The following DCT variants were observed in gnomAD, a reference collection of about 807,000 sequenced individuals.
DCT encodes dopachrome tautomerase, also known as L-dopachrome tautomerase.
A neutral mutation model predicts 53.0 loss-of-function variants in DCT; 47 were observed. The observed-to-expected ratio is 0.89, with a 90% CI of 0.70 to 1.13. The LOEUF (loss-of-function observed/expected upper bound fraction) is 1.13, where lower values mean the gene tolerates loss of function less well. DCT is among the 50% of genes most tolerant of loss of function. The probability of loss-of-function intolerance (pLI) is 0.00; values close to 1 mark genes in which losing one functional copy is unlikely to be tolerated. For missense variants in DCT, 669 were observed against 637.4 expected, an observed-to-expected ratio of 1.05 and a Z score of -0.53; for synonymous variants, 244 against 237.0, an observed-to-expected ratio of 1.03 and a Z score of -0.27.
At chr13:94,459,948 G>A in intron 6 of DCT, 143 bp downstream of exon 6, 1 of 915,076 alleles carries the variant, frequency 1.1e-6, no homozygotes, top group Non-Finnish European at 1.7e-6. Context: ...CATCCCTATG[G>A]TATAGATTGA....
the DCT span, among the ~76,000 whole-genome samples, chr13:94,515,726 C>T: frequency 6.6e-6 from 1 of 152,150 alleles, no homozygotes; most frequent in Non-Finnish European, 1.5e-5. Flanking sequence ...CTTACAGTAG[C>T]AATGCAGGTC....
chr13:94,443,362 T>C, intron 7 of DCT, 74 bp downstream of exon 7: 2 of 1,241,338 alleles, frequency 1.6e-6, no homozygotes, highest in Non-Finnish European at 1.2e-6. Flanking sequence ...GTTTACATTA[T>C]AAAGAAAGAA....
intron 4 of DCT, 141 bp from the exon 5 acceptor site, chr13:94,462,330 G>A (rs1883869238): frequency 1.5e-6 from 1 of 648,224 alleles, no homozygotes; most frequent in Non-Finnish European, 2.7e-6. Flanking sequence ...CAAAGCCCCG[G>A]CTCTACTAAA....
the DCT span, among the ~76,000 whole-genome samples, chr13:94,508,416 C>T: frequency 6.6e-6 from 1 of 152,122 alleles, no homozygotes; most frequent in Non-Finnish European, 1.5e-5. Context: ...GATCAATTCC[C>T]TTCTATTTAT....
chr13:94,536,189 GTT>G, the DCT span, among the ~76,000 whole-genome samples: 3 of 152,220 alleles, frequency 2.0e-5, no homozygotes, highest in East Asian at 5.8e-4. Context: ...GGTCGATACA[GTT>G]TAGGACCAGG....
At position 94,479,211 on chromosome 13, in the gene DCT, G is replaced by T. The variant is rs747562362; in HGVS notation, c.45C>A (p.Cys15Ter). ...WWGFLLSCLG[C>*]KILPGAQGQF... Reference sequence around the variant, plus strand: ...GACCCTGGGCTCCTGGCAGGATTTTGCAGCCCAAGCAACTGAGCAGAAACC... The same window carrying T: ...GACCCTGGGCTCCTGGCAGGATTTTTCAGCCCAAGCAACTGAGCAGAAACC... Residue 15 changes from cysteine (C) to a stop codon, truncating the protein, a stop_gained, in exon 1 of 8, where the codon TGC (cysteine) becomes TGA (stop). Transcript: ENST00000377028. LOFTEE classifies it high-confidence loss of function. 6.2e-7 allele frequency: 1 copy of T among 1,606,508 alleles called. No homozygotes were observed. Among genetic ancestry groups the T allele is most frequent in the Middle Eastern group, 1.7e-4 (1 of 6,040 alleles).
At chr13:94,473,920 C>T (rs1373286940) in intron 1 of DCT, among the ~76,000 whole-genome samples, 3 of 152,126 alleles carry the variant, frequency 2.0e-5, no homozygotes, top group Non-Finnish European at 4.4e-5. Flanking sequence ...AGTTTATAGA[C>T]CTGACCTGAA....
intron 1 of DCT, among the ~76,000 whole-genome samples, chr13:94,474,422 A>C (rs1169154344): frequency 6.6e-6 from 1 of 152,230 alleles, no homozygotes; most frequent in African/African-American, 2.4e-5. Flanking sequence ...TATTATTTTA[A>C]TAACAATACT....
the DCT span, among the ~76,000 whole-genome samples, chr13:94,543,326 A>G: frequency 6.6e-6 from 1 of 152,166 alleles, no homozygotes; most frequent in Non-Finnish European, 1.5e-5. Flanking sequence ...TTCCTGAACC[A>G]TCAGCAGCAG....
At chr13:94,542,542 C>T in the DCT span, among the ~76,000 whole-genome samples, 43 of 152,300 alleles carry the variant, frequency 2.8e-4, no homozygotes, top group South Asian at 7.3e-3. Flanking sequence ...CACAAGGCCA[C>T]TGAGGATGGA....
chr13:94,474,542 G>A (rs1179595384), intron 1 of DCT, among the ~76,000 whole-genome samples: 2 of 152,162 alleles, frequency 1.3e-5, no homozygotes, highest in African/African-American at 4.8e-5. Context: ...TTAGTCACTT[G>A]TACAAACAAG....
intron 6 of DCT, among the ~76,000 whole-genome samples, chr13:94,449,488 T>C (rs1351024358): frequency 1.3e-5 from 2 of 152,242 alleles, no homozygotes; most frequent in Admixed American, 1.3e-4. Flanking sequence ...GCATCCTTTG[T>C]CATCAGACTG....
At chr13:94,466,512 AAT>A in intron 3 of DCT, 44 bp downstream of exon 3, 2 of 1,289,698 alleles carry the variant, frequency 1.6e-6, no homozygotes, top group South Asian at 2.8e-5. Context: ...ATATACAATA[AAT>A]TTTTTAAAAA....
chr13:94,475,884 A>G (rs1260793262), intron 1 of DCT, among the ~76,000 whole-genome samples: 3 of 152,214 alleles, frequency 2.0e-5, no homozygotes, highest in African/African-American at 7.2e-5. Flanking sequence ...TAGTAAATTG[A>G]ACTTATAGAT....
the DCT span, among the ~76,000 whole-genome samples, chr13:94,539,827 G>C: frequency 6.6e-6 from 1 of 152,078 alleles, no homozygotes; most frequent in African/African-American, 2.4e-5. Flanking sequence ...AGGGAGAAAG[G>C]AAAAGTATGG....
chr13:94,523,415 A>G, the DCT span, among the ~76,000 whole-genome samples: 2 of 152,174 alleles, frequency 1.3e-5, no homozygotes, highest in East Asian at 1.9e-4. Context: ...CCCCTCACCT[A>G]TGGTATCTAA....
At chr13:94,478,903 G>C in intron 1 of DCT, 58 bp downstream of exon 1, 1 of 1,491,748 alleles carries the variant, frequency 6.7e-7, no homozygotes, top group South Asian at 1.3e-5. Context: ...CTCTTCCTTA[G>C]AAGGAGCTCT....
At chr13:94,496,648 T>C in the DCT span, among the ~76,000 whole-genome samples, 1 of 152,076 alleles carries the variant, frequency 6.6e-6, no homozygotes, top group Non-Finnish European at 1.5e-5. Flanking sequence ...TGAAGGAAGA[T>C]ATTTATGTGT....
At chr13:94,460,481 T>G (rs976436600) in intron 5 of DCT, among the ~76,000 whole-genome samples, 8 of 152,236 alleles carry the variant, frequency 5.3e-5, no homozygotes, top group Admixed American at 2.6e-4. Context: ...TATCTGTCTC[T>G]CATTCCCTTG....
Sources: gnomAD v4.1 joint callset for allele counts (sites outside exome capture counted in the v4.1 genomes callset) on GRCh38, gnomAD v4.1.1 for gene constraint, MANE v1.5 for transcripts, NCBI Gene and HGNC (gene_info 2026-07-23, HGNC 2026-07-21) for gene names.